The following MALRD1 variants were observed in gnomAD, a reference collection of about 807,000 sequenced individuals.
The protein encoded by MALRD1 is MAM and LDL-receptor class A domain-containing protein 1.
MALRD1 carries 247 observed loss-of-function variants against 242.1 expected under a neutral mutation model. The ratio of observed to expected loss-of-function variants is 1.02; its 90% CI spans 0.92 to 1.13. MALRD1 has a LOEUF of 1.13. Ranked by LOEUF, MALRD1 falls within the 50% of genes most tolerant of loss-of-function variation. The pLI, the probability that MALRD1 is intolerant of heterozygous loss-of-function variation, is 0.00. For synonymous variants in MALRD1, 995 were observed against 866.6 expected, an observed-to-expected ratio of 1.15 and a Z score of -2.60; for missense variants, 2,989 against 2,533.1, an observed-to-expected ratio of 1.18 and a Z score of -3.86.
chr10:19,554,845 G>A (rs1451531289), intron 32 of MALRD1, among the ~76,000 whole-genome samples: 1 of 151,906 alleles, frequency 6.6e-6, no homozygotes, highest in African/African-American at 2.4e-5. Flanking sequence ...CTTTGCTACT[G>A]TATGCACATA....
At chr10:19,650,059 A>G (rs757568815) in intron 36 of MALRD1, among the ~76,000 whole-genome samples, 6 of 152,278 alleles carry the variant, frequency 3.9e-5, no homozygotes, top group South Asian at 2.1e-4. Context: ...TTAAGCAGAT[A>G]TGGAATCTTA....
At chr10:19,713,051 G>T (rs1027061400) in intron 38 of MALRD1, among the ~76,000 whole-genome samples, 10 of 151,778 alleles carry the variant, frequency 6.6e-5, no homozygotes, top group African/African-American at 1.2e-4. Context: ...TGAAGGGGGG[G>T]GTTCCTCTTT....
intron 29 of MALRD1, among the ~76,000 whole-genome samples, chr10:19,453,568 G>T (rs1219397242): frequency 6.6e-6 from 1 of 152,086 alleles, no homozygotes; most frequent in African/African-American, 2.4e-5. Context: ...GCAACATAGT[G>T]AAACTCCCAT....
chr10:19,239,708 C>T (rs775414835), intron 18 of MALRD1, among the ~76,000 whole-genome samples: 2 of 152,072 alleles, frequency 1.3e-5, no homozygotes, highest in Non-Finnish European at 2.9e-5. Context: ...ATTTCATTAT[C>T]CCACATGTAG....
At chr10:19,575,380 G>C (rs1322914716) in intron 33 of MALRD1, among the ~76,000 whole-genome samples, 1 of 152,164 alleles carries the variant, frequency 6.6e-6, no homozygotes, top group East Asian at 1.9e-4. Context: ...GCTCAGCACA[G>C]TACAAGCAGT....
intron 2 of MALRD1, among the ~76,000 whole-genome samples, chr10:19,070,325 C>G (rs933469832): frequency 6.6e-6 from 1 of 152,262 alleles, no homozygotes; most frequent in South Asian, 2.1e-4. Flanking sequence ...TGGGTCAAAT[C>G]ATCTAACACA....
intron 21 of MALRD1, among the ~76,000 whole-genome samples, chr10:19,295,177 C>G (rs1337557767): frequency 6.6e-6 from 1 of 151,898 alleles, no homozygotes; most frequent in Non-Finnish European, 1.5e-5. Context: ...TGAAACCATA[C>G]ACAGTAGAAT....
At chr10:19,645,815 A>G (rs540188412) in intron 36 of MALRD1, among the ~76,000 whole-genome samples, 90 of 152,320 alleles carry the variant, frequency 5.9e-4, no homozygotes, top group African/African-American at 1.9e-3. Flanking sequence ...CCAACATGGC[A>G]CATATATACA....
chr10:19,311,927 G>A (rs555866772), intron 21 of MALRD1, among the ~76,000 whole-genome samples: 1 of 151,422 alleles, frequency 6.6e-6, no homozygotes, highest in Non-Finnish European at 1.5e-5. Context: ...ACACTGTGGT[G>A]ATATTTGTTT....
At chr10:19,348,433 A>G (rs948610659) in intron 25 of MALRD1, among the ~76,000 whole-genome samples, 4 of 151,554 alleles carry the variant, frequency 2.6e-5, no homozygotes, top group African/African-American at 7.3e-5. Context: ...AATGAATATT[A>G]GAGATAGTTA....
chr10:19,520,474 GA>G (rs1833829376), intron 31 of MALRD1, among the ~76,000 whole-genome samples: 1 of 151,854 alleles, frequency 6.6e-6, no homozygotes, highest in South Asian at 2.1e-4. Flanking sequence ...TAACTTTTTA[GA>G]AATACAAGTA....
chr10:19,522,105 G>T (rs914578752), intron 31 of MALRD1, among the ~76,000 whole-genome samples: 2 of 145,616 alleles, frequency 1.4e-5, no homozygotes, highest in Non-Finnish European at 3.0e-5. Flanking sequence ...TATAATTGGT[G>T]ACTCCTGGTC....
chr10:19,470,175 A>G (rs983744320), intron 29 of MALRD1, among the ~76,000 whole-genome samples: 14 of 152,028 alleles, frequency 9.2e-5, no homozygotes, highest in South Asian at 2.1e-4. Flanking sequence ...AAGATTCCAC[A>G]TATAACTAAA....
At chr10:19,521,665 C>G (rs1051072912) in intron 31 of MALRD1, among the ~76,000 whole-genome samples, 1 of 152,082 alleles carries the variant, frequency 6.6e-6, no homozygotes, top group Non-Finnish European at 1.5e-5. Context: ...TATTCTAGTT[C>G]TCTTCCAGGA....
At chr10:19,666,803 A>G (rs1369784995) in intron 36 of MALRD1, among the ~76,000 whole-genome samples, 1 of 152,218 alleles carries the variant, frequency 6.6e-6, no homozygotes, top group Non-Finnish European at 1.5e-5. Context: ...ATATCAAAAA[A>G]GAATAAAGCC....
At chr10:19,608,758 AT>A (rs546499674) in intron 35 of MALRD1, among the ~76,000 whole-genome samples, 6 of 152,140 alleles carry the variant, frequency 3.9e-5, no homozygotes, top group African/African-American at 9.6e-5. Context: ...AAAAAGTCTT[AT>A]TTTTTTATAC....
chr10:19,624,881 A>G (rs1263988616), intron 36 of MALRD1, among the ~76,000 whole-genome samples: 1 of 30,880 alleles, frequency 3.2e-5, no homozygotes, highest in Non-Finnish European at 6.4e-5. Flanking sequence ...AAAAAAGGAA[A>G]AAAAAAAAAA....
At chr10:19,159,518 A>T (rs1481761923) in intron 12 of MALRD1, among the ~76,000 whole-genome samples, 1 of 152,138 alleles carries the variant, frequency 6.6e-6, no homozygotes, top group African/African-American at 2.4e-5. Context: ...GAGAATGGCC[A>T]TGAAGATTTG....
intron 38 of MALRD1, among the ~76,000 whole-genome samples, chr10:19,707,150 T>A (rs1271296025): frequency 5.3e-5 from 8 of 150,742 alleles, no homozygotes; most frequent in African/African-American, 1.5e-4. Flanking sequence ...CTCCTCCTCA[T>A]CCTCCTTTCT....
Sources: allele counts gnomAD v4.1 joint callset (sites outside exome capture counted in the v4.1 genomes callset), GRCh38; gene constraint gnomAD v4.1.1; transcripts MANE v1.5; gene names NCBI Gene and HGNC (gene_info 2026-07-23, HGNC 2026-07-21).